Variants in ARFGEF1 observed in about 807,000 individuals in gnomAD.
The protein encoded by ARFGEF1 is brefeldin A-inhibited guanine nucleotide-exchange protein 1.
Under a neutral mutation model 231.0 loss-of-function variants are expected in ARFGEF1, and 42 were observed. The ratio of observed to expected loss-of-function variants is 0.18; its 90% CI spans 0.14 to 0.24. The LOEUF is 0.24. ARFGEF1 is among the 10% of genes least tolerant of loss of function. ARFGEF1 has a pLI of 1.00. For missense variants in ARFGEF1, 1,345 were observed against 2,192.0 expected, an observed-to-expected ratio of 0.61 and a Z score of 7.72; for synonymous variants, 710 against 732.3, an observed-to-expected ratio of 0.97 and a Z score of 0.49.
At chr8:67,213,425 C>G (rs1172) in intron 33 of ARFGEF1, among the ~76,000 whole-genome samples, 93,697 of 151,976 alleles carry the variant, frequency 0.62, 31,562 homozygotes, top group African/African-American at 0.91. Flanking sequence ...AATTGTGTGT[C>G]TGGGAGGCAG....
chr8:67,222,168 TATATATATATACAC>T (rs1443599259), intron 29 of ARFGEF1, among the ~76,000 whole-genome samples: 3 of 118,802 alleles, frequency 2.5e-5, no homozygotes, highest in Admixed American at 8.5e-5. Flanking sequence ...TCCATGCATA[TATATATATATACAC>T]ATATATATAT....
intron 10 of ARFGEF1, among the ~76,000 whole-genome samples, chr8:67,270,214 C>T (rs1226935978): frequency 1.3e-5 from 2 of 152,150 alleles, no homozygotes; most frequent in East Asian, 3.8e-4. Flanking sequence ...AGACATATGG[C>T]AAACTCTTAA....
intron 37 of ARFGEF1, 59 bp downstream of exon 37, chr8:67,201,408 T>C (rs966147143): frequency 6.4e-7 from 1 of 1,556,206 alleles, no homozygotes; most frequent in Non-Finnish European, 8.7e-7. Context: ...CGGTGCCTCT[T>C]TCCTGCCCGG....
intron 34 of ARFGEF1, among the ~76,000 whole-genome samples, chr8:67,207,950 G>A (rs1031335117): frequency 6.6e-6 from 1 of 152,170 alleles, no homozygotes; most frequent in Non-Finnish European, 1.5e-5. Flanking sequence ...CCTTGCCCCA[G>A]GAAAAAGTAG....
At chr8:67,183,998 G>A (rs1203757710) in intron 5 of ARFGEF1, among the ~76,000 whole-genome samples, 4 of 151,868 alleles carry the variant, frequency 2.6e-5, no homozygotes, top group Non-Finnish European at 4.4e-5. Flanking sequence ...GATTACAGGC[G>A]CCTGCCACCA....
At chr8:67,247,844 G>A (rs1483763103) in intron 19 of ARFGEF1, among the ~76,000 whole-genome samples, 2 of 150,426 alleles carry the variant, frequency 1.3e-5, no homozygotes, top group Non-Finnish European at 3.0e-5. Context: ...TATTAGAACT[G>A]ATAAATTCAG....
Position 67,322,026 on chromosome 8 carries a change from C to T in ARFGEF1, c.125-19560G>A, listed in dbSNP as rs1164899377. ...CAATTGTAAAGGAACATTGTAAATC[C>T]CCTGTAAAGATCTGCCATTTCATAC... On this transcript the variant is annotated intron_variant, in intron 1 of 38. Coordinates refer to ENST00000262215, the MANE Select transcript of ARFGEF1 (RefSeq NM_006421.5). Among the ~76,000 whole-genome samples the T allele has an allele frequency of 2.0e-5, 3 of 152,172 alleles. No individual in the cohort carries two copies. In the East Asian group the frequency reaches 5.8e-4, roughly 29 times the overall value.
Position 67,302,416 on chromosome 8 carries a change from AG to A in ARFGEF1, c.155+19del, listed in dbSNP as rs1453677396. 1 of 1,557,620 alleles carries A rather than the reference AG, an allele frequency of 6.4e-7. No individual in the cohort carries two copies. Among genetic ancestry groups the A allele is most frequent in the African/African-American group, 1.4e-5 (1 of 72,276 alleles). ...CAAGTTTGAAAATTATTTTTACTAA[AG>A]AAAAGAAATCCCACAAACCTCTGTT... is the stretch of plus-strand genomic sequence containing the variant. On this transcript the variant is annotated intron_variant, in intron 2 of 38. Coordinates refer to ENST00000262215, the MANE Select transcript of ARFGEF1 (RefSeq NM_006421.5).
chr8:67,253,337 G>T, intron 18 of ARFGEF1, 114 bp downstream of exon 18: 1 of 641,746 alleles, frequency 1.6e-6, no homozygotes, highest in Non-Finnish European at 2.4e-6. Context: ...CAGCCTCCCT[G>T]AGTAGCTGGG....
chr8:67,252,952 G>A (rs897568728), intron 18 of ARFGEF1, among the ~76,000 whole-genome samples: 2 of 152,138 alleles, frequency 1.3e-5, no homozygotes, highest in Non-Finnish European at 2.9e-5. Context: ...AAAATGACAA[G>A]GGTTGAAGCC....
At chr8:67,255,093 C>A (rs1216936059) in intron 17 of ARFGEF1, among the ~76,000 whole-genome samples, 2 of 152,174 alleles carry the variant, frequency 1.3e-5, no homozygotes, top group Non-Finnish European at 2.9e-5. Flanking sequence ...AGAGAAAAGT[C>A]TTGACAGAAA....
intron 14 of ARFGEF1, among the ~76,000 whole-genome samples, chr8:67,262,953 G>A (rs1294909005): frequency 6.6e-6 from 1 of 152,110 alleles, no homozygotes; most frequent in Non-Finnish European, 1.5e-5. Flanking sequence ...GCTGTGGTAT[G>A]GAACTGAACC....
intron 30 of ARFGEF1, among the ~76,000 whole-genome samples, chr8:67,218,620 T>C (rs913945599): frequency 1.3e-5 from 2 of 152,002 alleles, no homozygotes; most frequent in African/African-American, 4.8e-5. Context: ...AAAAGGGCTA[T>C]ACAACGTAAG....
chr8:67,333,389 G>T (rs936958078), intron 1 of ARFGEF1, among the ~76,000 whole-genome samples: 30 of 151,588 alleles, frequency 2.0e-4, no homozygotes, highest in African/African-American at 6.5e-4. Context: ...GAGTCCAGTG[G>T]TGGGATCACA....
chr8:67,277,471 A>C lies in ARFGEF1; in HGVS notation c.1028-14T>G. The C allele has an allele frequency of 6.2e-7, 1 of 1,603,936 alleles. No homozygotes were observed. Among genetic ancestry groups the C allele is most frequent in the Non-Finnish European group, 8.5e-7 (1 of 1,173,508 alleles). Reference sequence around the variant, plus strand: ...CTTCTCCCATATCTAAAATGATAAGAATAAAAACCATGCAAATATATCTGA... The same window carrying C: ...CTTCTCCCATATCTAAAATGATAAGCATAAAAACCATGCAAATATATCTGA... On this transcript the variant is annotated splice_polypyrimidine_tract_variant and intron_variant, in intron 7 of 38. Transcript: ENST00000262215.
chr8:67,308,269 C>G (rs1248627113), intron 1 of ARFGEF1, among the ~76,000 whole-genome samples: 1 of 152,148 alleles, frequency 6.6e-6, no homozygotes, highest in Non-Finnish European at 1.5e-5. Context: ...CATTACACCA[C>G]TAAGTCTTGG....
At chr8:67,300,579 G>A (rs1409627527) in intron 3 of ARFGEF1, among the ~76,000 whole-genome samples, 1 of 150,460 alleles carries the variant, frequency 6.6e-6, no homozygotes, top group Non-Finnish European at 1.5e-5. Flanking sequence ...AGTACTTTGG[G>A]AGGCCAAGAC....
chr8:67,310,342 GCCAGCCTCAGCCT>G (rs930998970), intron 1 of ARFGEF1, among the ~76,000 whole-genome samples: 32 of 152,302 alleles, frequency 2.1e-4, no homozygotes, highest in South Asian at 6.2e-4. Flanking sequence ...CGAGTGATCC[GCCAGCCTCAGCCT>G]CCCGAGGTGC....
intron 38 of ARFGEF1, 68 bp from the exon 39 acceptor site, chr8:67,199,166 C>A: frequency 6.5e-7 from 1 of 1,546,598 alleles, no homozygotes; most frequent in Non-Finnish European, 8.7e-7. Flanking sequence ...TGCCTAGAGT[C>A]AAACTACTCT....
Sources: gnomAD v4.1 joint callset for allele counts (sites outside exome capture counted in the v4.1 genomes callset) on GRCh38, gnomAD v4.1.1 for gene constraint, MANE v1.5 for transcripts, NCBI Gene and HGNC (gene_info 2026-07-23, HGNC 2026-07-21) for gene names.